Variants in TUBGCP3 observed in about 807,000 individuals in gnomAD.
The protein encoded by TUBGCP3 is tubulin gamma complex component 3.
A neutral mutation model predicts 123.1 loss-of-function variants in TUBGCP3; 50 were observed. The observed-to-expected ratio is 0.41, with a 90% CI of 0.32 to 0.51. The LOEUF (loss-of-function observed/expected upper bound fraction) is 0.51, where lower values mean the gene tolerates loss of function less well. TUBGCP3 is among the 20% of genes least tolerant of loss of function. TUBGCP3 has a pLI of 0.36. For missense variants in TUBGCP3, 882 were observed against 1,127.0 expected (o/e 0.78, Z 3.11); for synonymous variants, 405 against 413.9 (o/e 0.98, Z 0.26).
At chr13:112,533,251 C>T (rs574973116) in intron 11 of TUBGCP3, among the ~76,000 whole-genome samples, 2 of 152,326 alleles carry the variant, frequency 1.3e-5, no homozygotes, top group East Asian at 3.9e-4. Context: ...AGACGCACCG[C>T]GTCACCATTC....
intron 3 of TUBGCP3, among the ~76,000 whole-genome samples, chr13:112,560,231 C>G (rs902996437): frequency 6.0e-5 from 9 of 151,194 alleles, no homozygotes; most frequent in African/African-American, 4.9e-5. Context: ...GAGATCGAGA[C>G]CATCCCGGCT....
chr13:112,547,772 G>C lies in TUBGCP3; in HGVS notation c.1036-20C>G. On this transcript the variant is annotated intron_variant, in intron 9 of 21. Coordinates refer to ENST00000261965, the MANE Select transcript of TUBGCP3 (RefSeq NM_006322.6). The stretch of plus-strand genomic sequence containing the variant: ...TTGTAGCTAAAAAACAATAAAGATA[G>C]AAATGTTTAAGTACAAATAACCACA... 2 of 1,437,226 alleles carry C rather than the reference G, an allele frequency of 1.4e-6. No homozygotes were observed. Among genetic ancestry groups the C allele is most frequent in the Non-Finnish European group, 1.8e-6 (2 of 1,091,222 alleles). 89.0% of individuals were successfully genotyped at this position (1,437,226 alleles called of 1,614,324 possible). A position where few individuals can be genotyped will look rare whatever the true frequency, so the allele number is the denominator to read the frequency against.
At chr13:112,503,342 A>C (rs1162681430) in intron 19 of TUBGCP3, among the ~76,000 whole-genome samples, 1 of 152,164 alleles carries the variant, frequency 6.6e-6, no homozygotes, top group African/African-American at 2.4e-5. Context: ...AATGTCATAC[A>C]TGTCACCATG....
At chr13:112,518,951 T>C (rs1379807452) in intron 16 of TUBGCP3, 24 bp downstream of exon 16, 6 of 1,601,896 alleles carry the variant, frequency 3.7e-6, no homozygotes, top group Admixed American at 1.7e-5. Context: ...GTAAATACTA[T>C]AAAATGATGC....
In TUBGCP3 at chr13:112,588,077, T is replaced by C; in HGVS notation, c.-97A>G. 9.2e-7 allele frequency: 1 copy of C among 1,087,978 alleles called. No individual in the cohort carries two copies. Among genetic ancestry groups the C allele is most frequent in the Non-Finnish European group, 1.2e-6 (1 of 827,942 alleles). 67.4% of individuals were successfully genotyped at this position (1,087,978 alleles called of 1,614,324 possible). A position where few individuals can be genotyped will look rare whatever the true frequency, so the allele number is the denominator to read the frequency against. On this transcript the variant is annotated 5_prime_UTR_variant, in exon 1 of 22. Transcript: ENST00000261965. Reference sequence around the variant, plus strand: ...CGCGCCCTTCCTGCGCCCCGCAAGCTCCCTGCTCCTGACAGGCTAAGGCGC... The same window carrying C: ...CGCGCCCTTCCTGCGCCCCGCAAGCCCCCTGCTCCTGACAGGCTAAGGCGC...
chr13:112,491,811 C>T (rs1880120364), intron 20 of TUBGCP3, among the ~76,000 whole-genome samples: 1 of 152,140 alleles, frequency 6.6e-6, no homozygotes, highest in African/African-American at 2.4e-5. Context: ...GTAGGTCTGC[C>T]CGGATAATGA....
chr13:112,594,968 AGTGGTAT>A, the TUBGCP3 span, among the ~76,000 whole-genome samples: 1 of 152,164 alleles, frequency 6.6e-6, no homozygotes, highest in Non-Finnish European at 1.5e-5. Flanking sequence ...GATAGTCAGA[AGTGGTAT>A]ATCTTTTTAT....
At position 112,519,065 on chromosome 13, in the gene TUBGCP3, T is replaced by C. The variant is rs1876399342; in HGVS notation, c.1882-22A>G. ...AGACCTAACAACAGAAACAAACACA[T>C]AATTGCAAGACCTTAAGCTTCTTGC... On this transcript the variant is annotated intron_variant, in intron 15 of 21. Coordinates refer to ENST00000261965, the MANE Select transcript of TUBGCP3 (RefSeq NM_006322.6). This position sits in a 1 kb window ranked among gnomAD's most constrained non-coding sequence, Gnocchi z 6.2. 1.3e-6 allele frequency: 2 copies of C among 1,595,940 alleles called. No individual in the cohort carries two copies. Among genetic ancestry groups the C allele is most frequent in the Non-Finnish European group, 1.7e-6 (2 of 1,163,508 alleles).
At position 112,504,021 on chromosome 13, in the gene TUBGCP3, C is replaced by T. The variant is rs202245851; in HGVS notation, c.2307+11G>A. 44 of 1,603,714 alleles carry T rather than the reference C, an allele frequency of 2.7e-5. No individual in the cohort carries two copies. In the East Asian group the frequency reaches 4.7e-4, roughly 17 times the overall value. ...TTTGGTTTCTTGTTTCTAAGCAGGT[C>T]GGAGTCTTACCCTGGAGTCACTGTC... On this transcript the variant is annotated intron_variant, in intron 19 of 21. Transcript: ENST00000261965.
intron 19 of TUBGCP3, among the ~76,000 whole-genome samples, chr13:112,503,351 T>C (rs963399360): frequency 6.6e-6 from 1 of 152,134 alleles, no homozygotes; most frequent in Non-Finnish European, 1.5e-5. Flanking sequence ...CATGTCACCA[T>C]GGTTTTTTGT....
At chr13:112,487,961 G>C (rs1223747559) in intron 21 of TUBGCP3, among the ~76,000 whole-genome samples, 2 of 151,828 alleles carry the variant, frequency 1.3e-5, no homozygotes, top group Non-Finnish European at 1.5e-5. Flanking sequence ...GTGAAACCCT[G>C]TCTCTACTAA....
intron 11 of TUBGCP3, among the ~76,000 whole-genome samples, chr13:112,530,811 A>G (rs1288193900): frequency 6.6e-6 from 1 of 152,238 alleles, no homozygotes; most frequent in Non-Finnish European, 1.5e-5. Context: ...ACAAATACAC[A>G]GAAAAAATCA....
chr13:112,556,648 G>A (rs966145980), intron 5 of TUBGCP3, among the ~76,000 whole-genome samples: 4 of 152,076 alleles, frequency 2.6e-5, no homozygotes, highest in Admixed American at 2.6e-4. Flanking sequence ...CAGAGGAATC[G>A]AGTCACTGTG....
At chr13:112,498,753 G>C in intron 20 of TUBGCP3, 1 of 1,520,360 alleles carries the variant, frequency 6.6e-7, no homozygotes, top group East Asian at 2.5e-5. Flanking sequence ...AGATTCCGAC[G>C]GGTGACATCG....
chr13:112,517,415 A>C (rs947719697), intron 16 of TUBGCP3, among the ~76,000 whole-genome samples: 1 of 152,210 alleles, frequency 6.6e-6, no homozygotes. Flanking sequence ...TGAGATCTGT[A>C]ATACTACGAA....
chr13:112,514,818 G>C (rs1206810607), intron 17 of TUBGCP3, among the ~76,000 whole-genome samples: 1 of 152,108 alleles, frequency 6.6e-6, no homozygotes, highest in Middle Eastern at 3.2e-3. Context: ...ATATTCAGAG[G>C]CATATAAAGT....
chr13:112,581,083 G>A (rs546584028), intron 1 of TUBGCP3, among the ~76,000 whole-genome samples: 2 of 152,230 alleles, frequency 1.3e-5, no homozygotes, highest in South Asian at 2.1e-4. Context: ...AGCCCAGGGA[G>A]CCGGCCCCTT....
intron 11 of TUBGCP3, among the ~76,000 whole-genome samples, chr13:112,538,649 TTCTA>T (rs779440705): frequency 4.5e-4 from 69 of 152,328 alleles, no homozygotes; most frequent in African/African-American, 1.6e-3. Flanking sequence ...TTTTTACAAT[TTCTA>T]TCTCTTTATT....
intron 17 of TUBGCP3, among the ~76,000 whole-genome samples, chr13:112,514,017 G>A (rs922644878): frequency 6.6e-5 from 10 of 152,044 alleles, no homozygotes; most frequent in East Asian, 1.9e-4. Flanking sequence ...CCAACCCCCC[G>A]GTTAGTCACT....
Sources: gnomAD v4.1 joint callset for allele counts (sites outside exome capture counted in the v4.1 genomes callset) on GRCh38, gnomAD v4.1.1 for gene constraint, Gnocchi (gnomAD v3.1) non-coding constraint, MANE v1.5 for transcripts, NCBI Gene and HGNC (gene_info 2026-07-23, HGNC 2026-07-21) for gene names.